The following ATP6AP2 variants were observed in gnomAD, a reference collection of about 807,000 sequenced individuals.
ATP6AP2 encodes renin receptor.
A neutral mutation model predicts 23.4 loss-of-function variants in ATP6AP2; 1 was observed. The observed-to-expected ratio is 0.04, with a 90% CI of 0.02 to 0.20. ATP6AP2 has a LOEUF of 0.20. Ranked by LOEUF, ATP6AP2 falls within the 10% of genes least tolerant of loss-of-function variation. The probability of loss-of-function intolerance (pLI) is 1.00; values close to 1 mark genes in which losing one functional copy is unlikely to be tolerated. For synonymous variants in ATP6AP2, 90 were observed against 97.1 expected, an observed-to-expected ratio of 0.93 and a Z score of 0.43; for missense variants, 174 against 271.3, an observed-to-expected ratio of 0.64 and a Z score of 2.52.
rs142088347 is a variant in ATP6AP2, at chrX:40,604,931, AT to A, written c.859-611del. ...ATACCACAATTCCATTCTGTTGATG[AT>A]TTTTTTTTTTTTTTTTTTGAGACGG... On this transcript the variant is annotated intron_variant, in intron 8 of 8. Transcript: ENST00000636580. Among the ~76,000 whole-genome samples the A allele has an allele frequency of 6.1e-3, 479 of 78,188 alleles. 2 individuals carry two copies. Among genetic ancestry groups the A allele is most frequent in the African/African-American group, 0.021 (432 of 20,520 alleles). The allele number at this position is 78,188 out of a possible 115,157, so 67.9% of individuals were successfully genotyped here.
intron 2 of ATP6AP2, chrX:40,590,160 CCTGCCTCAGCCTT>C (rs1926590273): frequency 9.0e-6 from 1 of 111,698 alleles, no homozygotes; most frequent in Admixed American, 9.5e-5. Flanking sequence ...GCCTCAGCCT[CCTGCCTCAGCCTT>C]CTGAGTAGCT....
chrX:40,606,032 T>G lies in ATP6AP2; in HGVS notation c.*277T>G, dbSNP rs945088067. On this transcript the variant is annotated 3_prime_UTR_variant, in exon 9 of 9. Coordinates refer to ENST00000636580, the MANE Select transcript of ATP6AP2 (RefSeq NM_005765.3). Reference sequence around the variant, plus strand: ...ATTCTGTTTAATGAATTTGGAAATATGCACTGAAAGAAATGTAAAACATTT... The same window carrying G: ...ATTCTGTTTAATGAATTTGGAAATAGGCACTGAAAGAAATGTAAAACATTT... 9.9e-6 allele frequency: 3 copies of G among 301,837 alleles called. No homozygotes were observed. Among genetic ancestry groups the G allele is most frequent in the Admixed American group, 5.8e-5 (1 of 17,287 alleles). 24.9% of individuals were successfully genotyped at this position (301,837 alleles called of 1,213,427 possible).
chrX:40,589,480 T>G (rs959847924), intron 2 of ATP6AP2: 5 of 172,353 alleles, frequency 2.9e-5, no homozygotes, highest in Non-Finnish European at 4.4e-5. Context: ...ACTATATAAT[T>G]ATTTATTCAT....
At chrX:40,601,032 A>G in intron 8 of ATP6AP2, 151 bp downstream of exon 8, 1 of 553,018 alleles carries the variant, frequency 1.8e-6, no homozygotes, top group Non-Finnish European at 2.9e-6. Context: ...CTTCTTGTTC[A>G]CATACATATG....
chrX:40,592,345 A>G (rs1926654677), intron 3 of ATP6AP2: 1 of 112,269 alleles, frequency 8.9e-6, no homozygotes, highest in Non-Finnish European at 1.9e-5. Flanking sequence ...AGATCTAAAA[A>G]TACATACATT....
intron 1 of ATP6AP2, among the ~76,000 whole-genome samples, chrX:40,584,945 A>C (rs1399691498): frequency 8.9e-6 from 1 of 112,042 alleles, no homozygotes; most frequent in Admixed American, 9.4e-5. Flanking sequence ...AGGTTTCGCC[A>C]TTATGGCCAG....
intron 5 of ATP6AP2, chrX:40,597,908 A>G (rs1012782585): frequency 2.9e-6 from 1 of 344,428 alleles, no homozygotes; most frequent in Admixed American, 4.7e-5. Context: ...GTGCACATTT[A>G]CTGCTGGGGT....
At chrX:40,600,552 A>T (rs1477183078) in intron 7 of ATP6AP2, 8 of 308,325 alleles carry the variant, frequency 2.6e-5, no homozygotes, top group Non-Finnish European at 1.7e-5. Flanking sequence ...AATAATTTTA[A>T]TAAGTATGTA....
chrX:40,591,726 C>T (rs1336365471), intron 3 of ATP6AP2: 1 of 230,705 alleles, frequency 4.3e-6, no homozygotes, highest in Non-Finnish European at 7.9e-6. Context: ...GATTTTACCT[C>T]TTTTCGTGTG....
rs1927061450 is a variant in ATP6AP2, at chrX:40,605,991, T to C, written c.*236T>C. ...GCTTGAATATTATGATATAGCCATTTAATAACATTGATTTCATTCTGTTTA... is the reference window on the plus strand; with the variant it reads ...GCTTGAATATTATGATATAGCCATTCAATAACATTGATTTCATTCTGTTTA... On this transcript the variant is annotated 3_prime_UTR_variant, in exon 9 of 9. Coordinates refer to ENST00000636580, the MANE Select transcript of ATP6AP2 (RefSeq NM_005765.3). The C allele has an allele frequency of 2.9e-6, 1 of 350,221 alleles. No individual in the cohort carries two copies. Among genetic ancestry groups the C allele is most frequent in the South Asian group, 5.8e-5 (1 of 17,146 alleles). 28.9% of individuals were successfully genotyped at this position (350,221 alleles called of 1,213,427 possible).
At chrX:40,600,276 T>C (rs1926871946) in intron 7 of ATP6AP2, 1 of 123,189 alleles carries the variant, frequency 8.1e-6, no homozygotes, top group Non-Finnish European at 1.6e-5. Flanking sequence ...TTAATCTTTA[T>C]AGATGTTTGT....
intron 1 of ATP6AP2, among the ~76,000 whole-genome samples, chrX:40,582,119 C>A (rs1926342238): frequency 1.8e-5 from 2 of 111,812 alleles, no homozygotes; most frequent in Admixed American, 1.9e-4. Context: ...GCTCTGATCT[C>A]AGTGTGTCAG....
chrX:40,597,834 G>A (rs1411741970), intron 5 of ATP6AP2, 170 bp downstream of exon 5: 6 of 482,272 alleles, frequency 1.2e-5, no homozygotes, highest in African/African-American at 2.4e-5. Flanking sequence ...CACTGCATCT[G>A]GCCTCCCATT....
At position 40,599,625 on chromosome X, in the gene ATP6AP2, TCTC is replaced by T; in HGVS notation, c.625_627del (p.Pro209del). ...TCATAAGCATCTAGCCAAGGATCATTCTCCTGATTTATATTCACTGGAGCTGGC... is the reference window on the plus strand; with the variant it reads ...TCATAAGCATCTAGCCAAGGATCATTCTGATTTATATTCACTGGAGCTGGC... On this transcript the variant is annotated inframe_deletion, in exon 7 of 9. Transcript: ENST00000636580. 8.3e-7 allele frequency: 1 copy of T among 1,211,495 alleles called. No individual in the cohort carries two copies.
chrX:40,598,002 A>G, intron 5 of ATP6AP2: 2 of 235,281 alleles, frequency 8.5e-6, no homozygotes, highest in Non-Finnish European at 1.6e-5. Context: ...AAATAACATC[A>G]CATTTTAGCA....
intron 6 of ATP6AP2, 63 bp from the exon 7 acceptor site, chrX:40,599,529 T>C: frequency 2.2e-5 from 26 of 1,180,606 alleles, no homozygotes; most frequent in Non-Finnish European, 3.0e-5. Flanking sequence ...TTTAACTGGC[T>C]GTGTTTGACG....
chrX:40,598,959 A>C, intron 6 of ATP6AP2: 4 of 413,695 alleles, frequency 9.7e-6, no homozygotes, highest in Non-Finnish European at 1.7e-5. Flanking sequence ...ATCTTCCAAG[A>C]ACACAAGCCT....
intron 3 of ATP6AP2, among the ~76,000 whole-genome samples, chrX:40,594,395 A>T (rs776672575): frequency 1.1e-4 from 12 of 112,603 alleles, no homozygotes; most frequent in Non-Finnish European, 1.9e-4. Flanking sequence ...CACTGTCATT[A>T]CAAAGGAATG....
intron 8 of ATP6AP2, among the ~76,000 whole-genome samples, chrX:40,602,575 G>A (rs1243918488): frequency 3.7e-5 from 4 of 107,902 alleles, no homozygotes; most frequent in Non-Finnish European, 7.7e-5. Context: ...GCTTGAACCC[G>A]GGAGGCGGAG....
Sources: gnomAD v4.1 joint callset for allele counts (sites outside exome capture counted in the v4.1 genomes callset) on GRCh38, gnomAD v4.1.1 for gene constraint, MANE v1.5 for transcripts, NCBI Gene and HGNC (gene_info 2026-07-23, HGNC 2026-07-21) for gene names.